Variants in SLC39A11 observed in about 807,000 individuals in gnomAD.
SLC39A11 encodes zinc transporter ZIP11.
SLC39A11 carries 33 observed loss-of-function variants against 36.1 expected under a neutral mutation model. The observed-to-expected ratio is 0.91, with a 90% CI of 0.69 to 1.22. The LOEUF is 1.22. Among genes scored for constraint, SLC39A11 ranks in the 50% most tolerant of loss-of-function variants. The pLI is 0.00. For synonymous variants in SLC39A11, 166 were observed against 170.3 expected (o/e 0.97, Z 0.20); for missense variants, 432 against 430.3 (o/e 1.00, Z -0.03).
At chr17:72,904,600 C>A (rs929437399) in intron 5 of SLC39A11, among the ~76,000 whole-genome samples, 2 of 152,182 alleles carry the variant, frequency 1.3e-5, no homozygotes, top group Non-Finnish European at 2.9e-5. Context: ...GCACCCCAGG[C>A]CTTTGCCACT....
At chr17:72,786,352 C>G (rs1201099824) in intron 6 of SLC39A11, among the ~76,000 whole-genome samples, 1 of 152,180 alleles carries the variant, frequency 6.6e-6, no homozygotes, top group Admixed American at 6.5e-5. Flanking sequence ...ACAGCCTATG[C>G]CAACAAAATT....
At chr17:72,734,583 G>T (rs890415989) in intron 7 of SLC39A11, among the ~76,000 whole-genome samples, 8 of 152,216 alleles carry the variant, frequency 5.3e-5, no homozygotes, top group Non-Finnish European at 1.2e-4. Context: ...GAGAGAATCT[G>T]TTTGGTCCGG....
chr17:72,950,824 T>TC (rs1032868308), intron 4 of SLC39A11, among the ~76,000 whole-genome samples: 8 of 151,906 alleles, frequency 5.3e-5, no homozygotes, highest in Middle Eastern at 3.2e-3. Flanking sequence ...GTGATTTTTG[T>TC]CCCCCCCACC....
chr17:73,011,939 G>T (rs2090547020), intron 4 of SLC39A11, among the ~76,000 whole-genome samples: 1 of 151,114 alleles, frequency 6.6e-6, no homozygotes, highest in Non-Finnish European at 1.5e-5. Context: ...TGGGATTACA[G>T]GTGTGAGCCA....
chr17:73,018,406 C>T (rs1017553074), intron 4 of SLC39A11, among the ~76,000 whole-genome samples: 11 of 151,936 alleles, frequency 7.2e-5, no homozygotes, highest in South Asian at 2.1e-4. Context: ...AAATTATCCA[C>T]ACGTGATGGC....
At chr17:72,814,390 T>C (rs1316194023) in intron 6 of SLC39A11, among the ~76,000 whole-genome samples, 1 of 152,060 alleles carries the variant, frequency 6.6e-6, no homozygotes, top group Non-Finnish European at 1.5e-5. Flanking sequence ...AGAACGGCCT[T>C]GGAGAGTTGT....
At chr17:72,910,757 T>C (rs2082940358) in intron 5 of SLC39A11, among the ~76,000 whole-genome samples, 1 of 141,268 alleles carries the variant, frequency 7.1e-6, no homozygotes, top group East Asian at 2.0e-4. Flanking sequence ...TGAAACCTCA[T>C]CTCTACTAAA....
chr17:72,798,207 C>T (rs932482274), intron 6 of SLC39A11, among the ~76,000 whole-genome samples: 3 of 152,024 alleles, frequency 2.0e-5, no homozygotes, highest in Admixed American at 6.5e-5. Context: ...AGTCTGCTCA[C>T]GCTGTTATAA....
chr17:72,996,979 G>T (rs567062303), intron 4 of SLC39A11, among the ~76,000 whole-genome samples: 1 of 152,022 alleles, frequency 6.6e-6, no homozygotes, highest in East Asian at 1.9e-4. Flanking sequence ...CAGACACTTG[G>T]GGCAGAGCCA....
At chr17:72,648,031 C>G (rs2069647813) in intron 9 of SLC39A11, among the ~76,000 whole-genome samples, 1 of 152,036 alleles carries the variant, frequency 6.6e-6, no homozygotes. Context: ...AGTTATTCTT[C>G]TATAAAAACC....
At chr17:73,060,979 A>G (rs1453003799) in intron 3 of SLC39A11, among the ~76,000 whole-genome samples, 1 of 152,176 alleles carries the variant, frequency 6.6e-6, no homozygotes, top group Non-Finnish European at 1.5e-5. Flanking sequence ...AAGCCTATAT[A>G]GTTTTGTCTT....
intron 5 of SLC39A11, among the ~76,000 whole-genome samples, chr17:72,871,593 A>G (rs559091561): frequency 6.6e-6 from 1 of 152,232 alleles, no homozygotes; most frequent in Admixed American, 6.5e-5. Flanking sequence ...TGACCCATCC[A>G]TAAAACCCCA....
intron 4 of SLC39A11, among the ~76,000 whole-genome samples, chr17:72,962,101 T>G (rs181912376): frequency 9.9e-5 from 15 of 152,252 alleles, no homozygotes; most frequent in Admixed American, 7.2e-4. Flanking sequence ...AAGGGAAACA[T>G]TTCTCTGCTT....
At chr17:72,670,518 A>C (rs1242719388) in intron 7 of SLC39A11, among the ~76,000 whole-genome samples, 3 of 152,196 alleles carry the variant, frequency 2.0e-5, no homozygotes, top group Admixed American at 2.0e-4. Flanking sequence ...TACATTTATT[A>C]ATTGAAATTT....
chr17:72,959,311 ATG>A (rs1214552224), intron 4 of SLC39A11, among the ~76,000 whole-genome samples: 3,672 of 92,172 alleles, frequency 0.04, 262 homozygotes, highest in South Asian at 0.066. Context: ...TGGTGTATGT[ATG>A]TGTGTGTGTG....
intron 4 of SLC39A11, among the ~76,000 whole-genome samples, chr17:73,010,294 C>T (rs866159628): frequency 1.3e-5 from 2 of 152,156 alleles, no homozygotes. Flanking sequence ...CATCTTCGGA[C>T]TGTTACTTAA....
At chr17:73,046,304 T>C (rs2059288724) in intron 3 of SLC39A11, among the ~76,000 whole-genome samples, 2 of 152,108 alleles carry the variant, frequency 1.3e-5, no homozygotes, top group South Asian at 4.2e-4. Flanking sequence ...CTCGTGAAAA[T>C]ACAGGTTCTG....
At chr17:72,921,518 A>C (rs2083669105) in intron 5 of SLC39A11, among the ~76,000 whole-genome samples, 1 of 152,246 alleles carries the variant, frequency 6.6e-6, no homozygotes, top group Non-Finnish European at 1.5e-5. Context: ...TGAAGAATGC[A>C]TGACATCTGT....
intron 5 of SLC39A11, among the ~76,000 whole-genome samples, chr17:72,855,776 A>C (rs1437028802): frequency 3.3e-5 from 5 of 152,112 alleles, no homozygotes; most frequent in African/African-American, 1.2e-4. Context: ...GGGCACCTGT[A>C]GTCCTAGCTA....
Sources: gnomAD v4.1 joint callset for allele counts (sites outside exome capture counted in the v4.1 genomes callset) on GRCh38, gnomAD v4.1.1 for gene constraint, MANE v1.5 for transcripts, NCBI Gene and HGNC (gene_info 2026-07-23, HGNC 2026-07-21) for gene names.